Variants in TXNRD3 observed in about 807,000 individuals in gnomAD.
The protein encoded by TXNRD3 is TXNRD3 neighbor gene protein.
TXNRD3 carries 68 observed loss-of-function variants against 78.2 expected under a neutral mutation model. That is an observed-to-expected ratio of 0.87 (90% CI 0.72 to 1.06). The LOEUF is 1.06. Ranked by LOEUF, TXNRD3 falls within the 50% of genes least tolerant of loss-of-function variation. TXNRD3 has a pLI of 0.00. For synonymous variants in TXNRD3, 296 were observed against 300.1 expected (o/e 0.99, Z 0.14); for missense variants, 751 against 809.5 (o/e 0.93, Z 0.88).
chr3:126,650,474 G>C (rs1240249013), intron 1 of TXNRD3, among the ~76,000 whole-genome samples: 1 of 151,962 alleles, frequency 6.6e-6, no homozygotes, highest in Non-Finnish European at 1.5e-5. Context: ...AACACTGTCT[G>C]TACAAAAAAT....
rs3821449 is a variant in TXNRD3, at chr3:126,641,865, C to T, written c.712+167G>A. 5.5e-4 allele frequency among the ~76,000 whole-genome samples: 84 copies of T among 152,206 alleles called. No individual in the cohort carries two copies. The East Asian group carries it at 0.011, about 21-fold the overall frequency. On this transcript the variant is annotated intron_variant, in intron 6 of 15. Transcript: ENST00000524230. ...CTCTAGGTGGTGAGGCCCACAAGAG[C>T]GGGGGGCCCTTTTGCATCCTCTGTG...
At chr3:126,623,963 A>C (rs543384184) in intron 10 of TXNRD3, among the ~76,000 whole-genome samples, 4 of 152,232 alleles carry the variant, frequency 2.6e-5, no homozygotes, top group African/African-American at 9.6e-5. Flanking sequence ...TATAAAAAAA[A>C]CTGTATTTTT....
At chr3:126,652,357 T>A (rs542871961) in intron 1 of TXNRD3, among the ~76,000 whole-genome samples, 1 of 152,150 alleles carries the variant, frequency 6.6e-6, no homozygotes, top group African/African-American at 2.4e-5. Context: ...GATCCATTCA[T>A]CTCCCACCAG....
At position 126,637,932 on chromosome 3, in the gene TXNRD3, C is replaced by CTCTTTTTTTTT. The variant is rs1444254294; in HGVS notation, c.713-3882_713-3881insAAAAAAAAAGA. 4.2e-4 allele frequency among the ~76,000 whole-genome samples: 25 copies of CTCTTTTTTTTT among 60,238 alleles called. 1 individual carries two copies. The highest frequency in any genetic ancestry group is 8.3e-4 in the South Asian group (1 of 1,204). The allele number at this position is 60,238 out of a possible 152,430, so 39.5% of individuals were successfully genotyped here. ...CTTATTTTAACCTATATTTCTCTCT[C>CTCTTTTTTTTT]TTTTTTTTTTTTTTTTTTTTTTTTT... On this transcript the variant is annotated intron_variant, in intron 6 of 15. Coordinates refer to ENST00000524230, the MANE Select transcript of TXNRD3 (RefSeq NM_052883.3).
At chr3:126,633,861 A>C (rs1938785721) in intron 7 of TXNRD3, 48 bp downstream of exon 7, 1 of 1,407,168 alleles carries the variant, frequency 7.1e-7, no homozygotes, top group South Asian at 1.7e-5. Flanking sequence ...GCAAGTATAA[A>C]CAATTGTAAA....
chr3:126,609,261 C>A, intron 14 of TXNRD3: 1 of 296,022 alleles, frequency 3.4e-6, no homozygotes, highest in South Asian at 2.9e-5. Flanking sequence ...TAAAAGCATA[C>A]AATAGATGAA....
rs1933256415 is a variant in TXNRD3, at chr3:126,647,098, T to C, written c.304+138A>G. The C allele has an allele frequency of 3.8e-5, 22 of 585,352 alleles. No individual in the cohort carries two copies. The South Asian group carries it at 6.2e-4, about 17-fold the overall frequency. 36.3% of individuals were successfully genotyped at this position (585,352 alleles called of 1,614,324 possible). ...ATCTGCCACATTAGGGTTCATTTTC[T>C]GCATGGCTGAATGTAGACAAAAATG... On this transcript the variant is annotated intron_variant, in intron 2 of 15. Coordinates refer to ENST00000524230, the MANE Select transcript of TXNRD3 (RefSeq NM_052883.3).
intron 13 of TXNRD3, 105 bp from the exon 14 acceptor site, chr3:126,611,237 G>A (rs996556664): frequency 7.4e-6 from 5 of 675,740 alleles, no homozygotes; most frequent in South Asian, 4.9e-5. Context: ...AGCAGCTTTC[G>A]GAAATTCAAA....
chr3:126,640,095 T>TATCTCAGTGAACAG (rs1275221853), intron 6 of TXNRD3, among the ~76,000 whole-genome samples: 2 of 8,208 alleles, frequency 2.4e-4, no homozygotes, highest in South Asian at 1.5e-3. Flanking sequence ...TTGTGTTTTC[T>TATCTCAGTGAACAG]TTTTTTTTTT....
chr3:126,637,966 G>A (rs1180066053), intron 6 of TXNRD3, among the ~76,000 whole-genome samples: 2 of 63,396 alleles, frequency 3.2e-5, no homozygotes, highest in Non-Finnish European at 5.5e-5. Context: ...TTTTTTTTGA[G>A]ATGGAGTCTC....
At chr3:126,618,863 C>CA (rs36021189) in intron 12 of TXNRD3, among the ~76,000 whole-genome samples, 25,122 of 72,360 alleles carry the variant, frequency 0.35, 3,501 homozygotes, top group African/African-American at 0.4. Flanking sequence ...AACTCAGAGC[C>CA]AAAAAAAAAA....
chr3:126,637,289 G>A (rs1256728043), intron 6 of TXNRD3, among the ~76,000 whole-genome samples: 1 of 152,094 alleles, frequency 6.6e-6, no homozygotes, highest in East Asian at 1.9e-4. Flanking sequence ...TCTAATGTCT[G>A]ATGCTGCATA....
At chr3:126,647,091 C>G (rs1235317869) in intron 2 of TXNRD3, 145 bp downstream of exon 2, 4 of 562,444 alleles carry the variant, frequency 7.1e-6, no homozygotes, top group African/African-American at 5.8e-5. Context: ...CATTAGGGTT[C>G]ATTTTCTGCA....
At chr3:126,624,308 CTG>C (rs2107615617) in intron 10 of TXNRD3, among the ~76,000 whole-genome samples, 1 of 152,170 alleles carries the variant, frequency 6.6e-6, no homozygotes, top group Non-Finnish European at 1.5e-5. Flanking sequence ...CTCACTCTAC[CTG>C]ATCTAAGACT....
intron 8 of TXNRD3, among the ~76,000 whole-genome samples, chr3:126,631,188 T>A (rs1576289348): frequency 2.2e-5 from 3 of 136,468 alleles, no homozygotes; most frequent in East Asian, 2.2e-4. Context: ...AATATCAGAC[T>A]ACATTACATG....
chr3:126,614,135 T>C (rs555233946), intron 13 of TXNRD3, among the ~76,000 whole-genome samples: 26 of 152,300 alleles, frequency 1.7e-4, no homozygotes, highest in Non-Finnish European at 3.5e-4. Flanking sequence ...AGAATAAGGA[T>C]ATAAAGAAAG....
At chr3:126,646,450 T>G (rs953853501) in intron 2 of TXNRD3, among the ~76,000 whole-genome samples, 3 of 152,194 alleles carry the variant, frequency 2.0e-5, no homozygotes, top group Admixed American at 2.0e-4. Context: ...CCCTTCAAAA[T>G]TAGATTTTGA....
Position 126,607,817 on chromosome 3 carries a change from G to T in TXNRD3, c.*88C>A. 8.9e-7 allele frequency: 1 copy of T among 1,119,168 alleles called. No individual in the cohort carries two copies. The highest frequency in any genetic ancestry group is 1.3e-6 in the Non-Finnish European group (1 of 799,590). The allele number at this position is 1,119,168 out of a possible 1,614,324, so 69.3% of individuals were successfully genotyped here. ...CTGGTCCCTGAGTAACAGAGCAGCT[G>T]TCATGAGCACAGGCTCATTTTATCC... is the stretch of plus-strand genomic sequence containing the variant. On this transcript the variant is annotated 3_prime_UTR_variant, in exon 16 of 16. Transcript: ENST00000524230.
chr3:126,622,435 C>T, intron 11 of TXNRD3, 29 bp downstream of exon 11: 10 of 1,476,466 alleles, frequency 6.8e-6, no homozygotes, highest in African/African-American at 1.4e-5. Flanking sequence ...CTTTGTGCAG[C>T]AACAGTGCAG....
Sources: allele counts gnomAD v4.1 joint callset (sites outside exome capture counted in the v4.1 genomes callset), GRCh38; gene constraint gnomAD v4.1.1; transcripts MANE v1.5; gene names NCBI Gene and HGNC (gene_info 2026-07-23, HGNC 2026-07-21).